GRM7: variants seen among roughly 807,000 people sequenced by gnomAD.
GRM7 encodes the protein metabotropic glutamate receptor 7.
GRM7 carries 35 observed loss-of-function variants against 84.5 expected under a neutral mutation model. The ratio of observed to expected loss-of-function variants is 0.41; its 90% CI spans 0.32 to 0.55. The LOEUF (loss-of-function observed/expected upper bound fraction) is 0.55, where lower values mean the gene tolerates loss of function less well. GRM7 is among the 20% of genes least tolerant of loss of function. The pLI, the probability that GRM7 is intolerant of heterozygous loss-of-function variation, is 0.19. For missense variants in GRM7, 1,003 were observed against 1,194.6 expected (o/e 0.84, Z 2.36); for synonymous variants, 487 against 455.1 (o/e 1.07, Z -0.89).
intron 1 of GRM7, among the ~76,000 whole-genome samples, chr3:7,081,189 G>T (rs1334724963): frequency 6.6e-6 from 1 of 151,934 alleles, no homozygotes; most frequent in Non-Finnish European, 1.5e-5. Flanking sequence ...TTCAGATACT[G>T]TTTTTTATAA....
intron 4 of GRM7, among the ~76,000 whole-genome samples, chr3:7,328,923 G>A (rs920355728): frequency 6.6e-6 from 1 of 151,908 alleles, no homozygotes; most frequent in Non-Finnish European, 1.5e-5. Context: ...TCTACCTTCC[G>A]CCTTATGAGA....
intron 2 of GRM7, among the ~76,000 whole-genome samples, chr3:7,160,241 C>T (rs1280699145): frequency 6.6e-6 from 1 of 152,078 alleles, no homozygotes; most frequent in Non-Finnish European, 1.5e-5. Flanking sequence ...CTGTGAAGTA[C>T]TAACAGCCAG....
chr3:6,868,484 T>A (rs1695010155), intron 1 of GRM7, among the ~76,000 whole-genome samples: 2 of 152,182 alleles, frequency 1.3e-5, no homozygotes, highest in South Asian at 4.1e-4. Context: ...GAAAAATGCT[T>A]GTTCTCCCTT....
At chr3:6,885,887 T>C (rs1695674540) in intron 1 of GRM7, among the ~76,000 whole-genome samples, 1 of 152,206 alleles carries the variant, frequency 6.6e-6, no homozygotes, top group African/African-American at 2.4e-5. Flanking sequence ...GTCTATTAAG[T>C]ATTTTATAAT....
At position 7,468,516 on chromosome 3, in the gene GRM7, G is replaced by A. The variant is rs186555877; in HGVS notation, c.1515+6794G>A. 1.2e-4 allele frequency among the ~76,000 whole-genome samples: 18 copies of A among 152,194 alleles called. No homozygotes were observed. In the East Asian group the frequency reaches 3.5e-3, roughly 29 times the overall value. On this transcript the variant is annotated intron_variant, in intron 7 of 9. Transcript: ENST00000357716. ...TATAACATGCTAAAAACAGTGTCTG[G>A]CATGTAGTAAATGTTCAGCAAATGT...
intron 1 of GRM7, among the ~76,000 whole-genome samples, chr3:6,950,531 C>T (rs973404713): frequency 3.9e-5 from 6 of 152,210 alleles, no homozygotes; most frequent in Admixed American, 2.6e-4. Flanking sequence ...CCAGTCTGCC[C>T]GTTCTCAGAT....
At chr3:7,517,381 GTAGTAT>G (rs1190036221) in intron 7 of GRM7, among the ~76,000 whole-genome samples, 1 of 151,380 alleles carries the variant, frequency 6.6e-6, no homozygotes, top group African/African-American at 2.4e-5. Flanking sequence ...AGTAGTAGTA[GTAGTAT>G]TAGTATTATT....
At chr3:7,558,805 A>C (rs1319593697) in intron 7 of GRM7, among the ~76,000 whole-genome samples, 1 of 152,168 alleles carries the variant, frequency 6.6e-6, no homozygotes, top group Non-Finnish European at 1.5e-5. Flanking sequence ...AGGCTAAATA[A>C]TTGTTTGAAC....
At chr3:7,472,720 T>C (rs1457216875) in intron 7 of GRM7, among the ~76,000 whole-genome samples, 1 of 152,174 alleles carries the variant, frequency 6.6e-6, no homozygotes, top group Non-Finnish European at 1.5e-5. Context: ...AGGAGGACAA[T>C]GTAACACTAC....
chr3:6,874,980 A>G (rs1177032181), intron 1 of GRM7, among the ~76,000 whole-genome samples: 1 of 152,116 alleles, frequency 6.6e-6, no homozygotes, highest in Non-Finnish European at 1.5e-5. Context: ...TTTAAAGTTA[A>G]TTTATTTGAG....
At chr3:7,012,090 C>T (rs564094666) in intron 1 of GRM7, among the ~76,000 whole-genome samples, 2 of 152,256 alleles carry the variant, frequency 1.3e-5, no homozygotes, top group East Asian at 3.9e-4. Flanking sequence ...CACTAGAGTA[C>T]CCTGACTCTT....
chr3:7,604,401 A>T (rs188430180), intron 8 of GRM7, among the ~76,000 whole-genome samples: 85 of 152,282 alleles, frequency 5.6e-4, no homozygotes, highest in African/African-American at 1.9e-3. Context: ...TTTGCTATTC[A>T]AAGGCCAGGA....
chr3:7,029,830 C>CTATA (rs1161086190), intron 1 of GRM7, among the ~76,000 whole-genome samples: 4 of 152,154 alleles, frequency 2.6e-5, no homozygotes, highest in African/African-American at 9.7e-5. Flanking sequence ...TACCACTGAA[C>CTATA]TATACTCTTA....
Position 7,311,210 on chromosome 3 carries a change from G to C in GRM7, c.1033+4558G>C, listed in dbSNP as rs550466464. On this transcript the variant is annotated intron_variant, in intron 4 of 9. Coordinates refer to ENST00000357716, the MANE Select transcript of GRM7 (RefSeq NM_000844.4). Reference sequence around the variant, plus strand: ...AGATGAACTATGCGGTCATTCTCCAGAAATCTAATTGAGAATTGAGAAGAG... The same window carrying C: ...AGATGAACTATGCGGTCATTCTCCACAAATCTAATTGAGAATTGAGAAGAG... Among the ~76,000 whole-genome samples, 4 of 152,268 alleles carry C rather than the reference G, an allele frequency of 2.6e-5. No individual in the cohort carries two copies. The South Asian group carries it at 8.3e-4, about 32-fold the overall frequency.
chr3:7,626,356 C>T (rs1209184041), intron 8 of GRM7, among the ~76,000 whole-genome samples: 1 of 152,172 alleles, frequency 6.6e-6, no homozygotes, highest in Non-Finnish European at 1.5e-5. Context: ...ACAGGCTGGA[C>T]GATTCTCTGT....
At chr3:7,340,078 G>T (rs1701579854) in intron 4 of GRM7, among the ~76,000 whole-genome samples, 2 of 152,008 alleles carry the variant, frequency 1.3e-5, no homozygotes, top group Non-Finnish European at 2.9e-5. Flanking sequence ...CTTATATGTT[G>T]AATATTTGAT....
At chr3:7,559,080 G>T (rs1298784969) in intron 7 of GRM7, 1 of 151,194 alleles carries the variant, frequency 6.6e-6, no homozygotes, top group Non-Finnish European at 1.5e-5. Flanking sequence ...TATGCAGGTT[G>T]GCAAGAAAGA....
At chr3:7,240,358 C>A (rs1247169106) in intron 2 of GRM7, among the ~76,000 whole-genome samples, 1 of 150,438 alleles carries the variant, frequency 6.6e-6, no homozygotes, top group Non-Finnish European at 1.5e-5. Context: ...TTTTTTTAAT[C>A]AGAAATCTCC....
At chr3:7,627,086 C>T (rs944416457) in intron 8 of GRM7, among the ~76,000 whole-genome samples, 2 of 152,146 alleles carry the variant, frequency 1.3e-5, no homozygotes, top group Non-Finnish European at 2.9e-5. Context: ...GCTTCCACAT[C>T]TATACATTGG....
Sources: gnomAD v4.1 joint callset for allele counts (sites outside exome capture counted in the v4.1 genomes callset) on GRCh38, gnomAD v4.1.1 for gene constraint, MANE v1.5 for transcripts, NCBI Gene and HGNC (gene_info 2026-07-23, HGNC 2026-07-21) for gene names.